The following VAV3 variants were observed in gnomAD, a reference collection of about 807,000 sequenced individuals.
The protein encoded by VAV3 is guanine nucleotide exchange factor VAV3.
Under a neutral mutation model 131.2 loss-of-function variants are expected in VAV3, and 94 were observed. That is an observed-to-expected ratio of 0.72 (90% CI 0.61 to 0.85). The LOEUF is 0.85. Among genes scored for constraint, VAV3 ranks in the 40% least tolerant of loss-of-function variants. The pLI is 0.00. For missense variants in VAV3, 939 were observed against 1,002.7 expected, an observed-to-expected ratio of 0.94 and a Z score of 0.86; for synonymous variants, 349 against 342.0, an observed-to-expected ratio of 1.02 and a Z score of -0.22.
At chr1:107,877,232 A>G (rs970283450) in intron 1 of VAV3, among the ~76,000 whole-genome samples, 2 of 152,212 alleles carry the variant, frequency 1.3e-5, no homozygotes, top group African/African-American at 4.8e-5. Flanking sequence ...GCTCTTCCAC[A>G]TAGAATTGCT....
chr1:107,837,924 CTG>C (rs1440233681), intron 2 of VAV3, among the ~76,000 whole-genome samples: 2 of 152,128 alleles, frequency 1.3e-5, no homozygotes, highest in East Asian at 3.8e-4. Context: ...AGACCTCAAA[CTG>C]TAAAAATCCT....
At chr1:107,839,612 T>C (rs1362477199) in intron 2 of VAV3, among the ~76,000 whole-genome samples, 1 of 151,882 alleles carries the variant, frequency 6.6e-6, no homozygotes, top group Non-Finnish European at 1.5e-5. Context: ...GCTTCCACCC[T>C]AGGAAACTAG....
At chr1:107,601,733 C>T in intron 24 of VAV3, among the ~76,000 whole-genome samples, 1 of 152,102 alleles carries the variant, frequency 6.6e-6, no homozygotes, top group Non-Finnish European at 1.5e-5. Flanking sequence ...AAATGACATA[C>T]ACAAAATATT....
chr1:107,807,938 G>A (rs1443466785), intron 2 of VAV3, among the ~76,000 whole-genome samples: 2 of 152,138 alleles, frequency 1.3e-5, no homozygotes, highest in Non-Finnish European at 2.9e-5. Context: ...CAAATAAGTA[G>A]CAAGTATTGA....
chr1:107,737,409 T>A (rs60049322), intron 15 of VAV3, among the ~76,000 whole-genome samples: 13,623 of 152,060 alleles, frequency 0.09, 851 homozygotes, highest in East Asian at 0.25. Flanking sequence ...GCCATCAGAG[T>A]GAACAGGCAA....
chr1:107,738,262 A>C, intron 15 of VAV3, among the ~76,000 whole-genome samples: 1 of 152,194 alleles, frequency 6.6e-6, no homozygotes, highest in East Asian at 1.9e-4. Flanking sequence ...TAAATCATGA[A>C]TTAATGGGTG....
chr1:107,582,835 C>G (rs1390064153), intron 25 of VAV3, among the ~76,000 whole-genome samples: 1 of 151,934 alleles, frequency 6.6e-6, no homozygotes, highest in Non-Finnish European at 1.5e-5. Context: ...GGGTTGGTTC[C>G]AAGTCTTTGC....
At chr1:107,927,089 C>T (rs1274836732) in intron 1 of VAV3, among the ~76,000 whole-genome samples, 1 of 152,194 alleles carries the variant, frequency 6.6e-6, no homozygotes, top group African/African-American at 2.4e-5. Flanking sequence ...ACGACCTTGT[C>T]TTGCATCTTG....
intron 2 of VAV3, among the ~76,000 whole-genome samples, chr1:107,831,393 A>G (rs1213141393): frequency 6.6e-6 from 1 of 152,224 alleles, no homozygotes; most frequent in African/African-American, 2.4e-5. Context: ...TGACAGGGAA[A>G]TGCAAAATGA....
At chr1:107,644,310 A>C (rs1483858341) in intron 19 of VAV3, among the ~76,000 whole-genome samples, 3 of 152,140 alleles carry the variant, frequency 2.0e-5, no homozygotes, top group Non-Finnish European at 2.9e-5. Context: ...ATAAAGTGGA[A>C]TAATTTTTTA....
At chr1:107,727,238 G>A (rs1375551796) in intron 15 of VAV3, among the ~76,000 whole-genome samples, 4 of 152,216 alleles carry the variant, frequency 2.6e-5, no homozygotes, top group Admixed American at 6.5e-5. Context: ...CAGTGATAGG[G>A]TTTGGGTTCT....
At chr1:107,795,288 TAAA>T (rs1475276786) in intron 2 of VAV3, among the ~76,000 whole-genome samples, 2 of 152,352 alleles carry the variant, frequency 1.3e-5, no homozygotes, top group South Asian at 4.1e-4. Context: ...AATAACTTAG[TAAA>T]CTATGTCCTT....
At chr1:107,888,700 C>G (rs1338045118) in intron 1 of VAV3, among the ~76,000 whole-genome samples, 1 of 152,074 alleles carries the variant, frequency 6.6e-6, no homozygotes, top group East Asian at 1.9e-4. Context: ...CTCAAGTGAT[C>G]CCCCCGCCTC....
At chr1:107,922,612 T>C (rs923437453) in intron 1 of VAV3, among the ~76,000 whole-genome samples, 2 of 152,134 alleles carry the variant, frequency 1.3e-5, no homozygotes, top group Admixed American at 6.5e-5. Flanking sequence ...ATCATTGCTG[T>C]TTATTAACAG....
At chr1:107,577,334 C>G (rs1236100165) in intron 25 of VAV3, among the ~76,000 whole-genome samples, 2 of 152,236 alleles carry the variant, frequency 1.3e-5, no homozygotes, top group Non-Finnish European at 2.9e-5. Context: ...CTGCTTCAGG[C>G]ACCTCCGCAG....
At chr1:107,742,210 A>G (rs72979640) in intron 15 of VAV3, among the ~76,000 whole-genome samples, 1,587 of 152,054 alleles carry the variant, frequency 0.01, 33 homozygotes, top group African/African-American at 0.034. Flanking sequence ...TTGCCACACA[A>G]TAAGAATGCC....
At chr1:107,656,075 A>G (rs1164642129) in intron 19 of VAV3, among the ~76,000 whole-genome samples, 1 of 152,138 alleles carries the variant, frequency 6.6e-6, no homozygotes, top group Non-Finnish European at 1.5e-5. Context: ...ACAACTACAG[A>G]ATGATCCACC....
intron 1 of VAV3, among the ~76,000 whole-genome samples, chr1:107,956,571 G>A (rs1674828138): frequency 6.6e-6 from 1 of 152,104 alleles, no homozygotes; most frequent in South Asian, 2.1e-4. Context: ...TAGAAAATGA[G>A]AATGAGGGCA....
chr1:107,634,418 T>C (rs1485486848), intron 20 of VAV3, among the ~76,000 whole-genome samples: 4 of 152,084 alleles, frequency 2.6e-5, no homozygotes, highest in African/African-American at 9.7e-5. Context: ...TGGCTAGCCA[T>C]ATGTAGAAAG....
Sources: gnomAD v4.1 joint callset for allele counts (sites outside exome capture counted in the v4.1 genomes callset) on GRCh38, gnomAD v4.1.1 for gene constraint, MANE v1.5 for transcripts, NCBI Gene and HGNC (gene_info 2026-07-23, HGNC 2026-07-21) for gene names.